The following TRIM72 variants were observed in gnomAD, a reference collection of about 807,000 sequenced individuals.
TRIM72 encodes the protein tripartite motif-containing protein 72.
A neutral mutation model predicts 31.6 loss-of-function variants in TRIM72; 33 were observed. The ratio of observed to expected loss-of-function variants is 1.04; its 90% CI spans 0.79 to 1.40. TRIM72 has a LOEUF of 1.40. Among genes scored for constraint, TRIM72 ranks in the 40% most tolerant of loss-of-function variants. The pLI is 0.00. For missense variants in TRIM72, 666 were observed against 682.7 expected (o/e 0.98, Z 0.27); for synonymous variants, 301 against 314.4 (o/e 0.96, Z 0.45).
chr16:31,224,954 A>AC lies in TRIM72; in HGVS notation c.*200dup. The AC allele has an allele frequency of 2.1e-6, 1 of 486,192 alleles. No homozygotes were observed. The highest frequency in any genetic ancestry group is 3.4e-6 in the Non-Finnish European group (1 of 294,266). 30.1% of individuals were successfully genotyped at this position (486,192 alleles called of 1,614,324 possible). A position where few individuals can be genotyped will look rare whatever the true frequency, so the allele number is the denominator to read the frequency against. On this transcript the variant is annotated 3_prime_UTR_variant, in exon 7 of 7. Coordinates refer to ENST00000322122, the MANE Select transcript of TRIM72 (RefSeq NM_001008274.4). ...GCCTGTAATCCCAGCACTTTGGGAG[A>AC]CGGAGGCGGGTGGATCACCTGAGGT... is the stretch of plus-strand genomic sequence containing the variant.
chr16:31,224,290 G>C lies in TRIM72; in HGVS notation c.969G>C (p.Glu323Asp). The C allele has an allele frequency of 4.4e-6, 7 of 1,603,706 alleles. No homozygotes were observed. The highest frequency in any genetic ancestry group is 5.9e-6 in the Non-Finnish European group (7 of 1,178,516). ...AGCAGAAGGCGCCGCCGGCCGGGGAGGACCCGCGCCAGTTCGACAAGGCGG... is the reference window on the plus strand; with the variant it reads ...AGCAGAAGGCGCCGCCGGCCGGGGACGACCCGCGCCAGTTCGACAAGGCGG... ...CSEQKAPPAG[E>D]DPRQFDKAVA... is the part of the protein sequence containing the mutation. Residue 323 changes from glutamate to aspartate, a missense_variant, in exon 7 of 7, where the codon GAG (glutamate) becomes GAC (aspartate). Coordinates refer to ENST00000322122, the MANE Select transcript of TRIM72 (RefSeq NM_001008274.4).
Position 31,225,113 on chromosome 16 carries a change from C to A in TRIM72, c.*358C>A, listed in dbSNP as rs1228696254. The A allele has an allele frequency of 5.9e-6, 1 of 168,104 alleles. No homozygotes were observed. The allele number at this position is 168,104 out of a possible 1,614,324, so 10.4% of individuals were successfully genotyped here. ...GCTGAGGCAGGATAATTGCTTGAACCCAGGAGGTGGAGGTTGCAGTGAGCA... is the reference window on the plus strand; with the variant it reads ...GCTGAGGCAGGATAATTGCTTGAACACAGGAGGTGGAGGTTGCAGTGAGCA... On this transcript the variant is annotated 3_prime_UTR_variant, in exon 7 of 7. Transcript: ENST00000322122.
Position 31,219,199 on chromosome 16 carries a change from T to G in TRIM72, c.486+9T>G. The G allele has an allele frequency of 6.2e-7, 1 of 1,613,622 alleles. No homozygotes were observed. The highest frequency in any genetic ancestry group is 8.5e-7 in the Non-Finnish European group (1 of 1,179,824). ...AGCTGGTGGAGGTGGAGGTGAGGAC[T>G]TCACAGGGCCATGTCTGAGGGCTGG... is the stretch of plus-strand genomic sequence containing the variant. On this transcript the variant is annotated intron_variant, in intron 3 of 6. Transcript: ENST00000322122. The surrounding 1 kb of genome is among the most constrained non-coding windows in gnomAD (Gnocchi z 4.2).
rs925526703 is a variant in TRIM72, at chr16:31,215,652, C to T, written c.390+524C>T. ...CACCCCTGAAGCTGCGGAACTTGGG[C>T]TGGCCTGACGGTCCCCAGGCGGGGC... On this transcript the variant is annotated intron_variant, in intron 2 of 6. Coordinates refer to ENST00000322122, the MANE Select transcript of TRIM72 (RefSeq NM_001008274.4). The surrounding 1 kb of genome is among the most constrained non-coding windows in gnomAD (Gnocchi z 6.3). Among the ~76,000 whole-genome samples, 2 of 152,238 alleles carry T rather than the reference C, an allele frequency of 1.3e-5. No homozygotes were observed. Among genetic ancestry groups the T allele is most frequent in the Admixed American group, 1.3e-4 (2 of 15,286 alleles).
In TRIM72 at chr16:31,214,263, G is replaced by C. The variant is rs1300790104; in HGVS notation, c.-42G>C. ...GCTCAACCCTGACCGGTCCTCCTTC[G>C]AGACTCTTTCAGCCTAAGATCTCCA... is the stretch of plus-strand genomic sequence containing the variant. On this transcript the variant is annotated 5_prime_UTR_variant, in exon 1 of 7. Transcript: ENST00000322122. The C allele has an allele frequency of 6.4e-6, 1 of 155,078 alleles. No homozygotes were observed. Among genetic ancestry groups the C allele is most frequent in the Non-Finnish European group, 1.4e-5 (1 of 70,168 alleles). 9.6% of individuals were successfully genotyped at this position (155,078 alleles called of 1,614,324 possible). A position where few individuals can be genotyped will look rare whatever the true frequency, so the allele number is the denominator to read the frequency against.
intron 1 of TRIM72, 93 bp from the exon 2 acceptor site, chr16:31,214,639 G>A: frequency 3.8e-6 from 5 of 1,312,050 alleles, no homozygotes; most frequent in Non-Finnish European, 4.9e-6. Flanking sequence ...CTCCCTGCGG[G>A]GCGGCGGGCC....
Position 31,214,915 on chromosome 16 carries a change from C to G in TRIM72, c.177C>G (p.Pro59=). ...GTVLCPCCQA[P]TRPQALSTNL... ...TTCTCTGCCCCTGCTGCCAGGCCCCCACGCGGCCGCAGGCACTCAGCACCA... is the reference window on the plus strand; with the variant it reads ...TTCTCTGCCCCTGCTGCCAGGCCCCGACGCGGCCGCAGGCACTCAGCACCA... The change falls in exon 2 of 7, where the codon CCC becomes CCG. Residue 59 remains proline, a synonymous_variant. Coordinates refer to ENST00000322122, the MANE Select transcript of TRIM72 (RefSeq NM_001008274.4). The G allele has an allele frequency of 6.6e-7, 1 of 1,511,606 alleles. No homozygotes were observed. Among genetic ancestry groups the G allele is most frequent in the Non-Finnish European group, 8.8e-7 (1 of 1,137,662 alleles). The allele number at this position is 1,511,606 out of a possible 1,614,324, so 93.6% of individuals were successfully genotyped here. A position where few individuals can be genotyped will look rare whatever the true frequency, so the allele number is the denominator to read the frequency against.
chr16:31,219,318 G>T lies in TRIM72; in HGVS notation c.516G>T (p.Val172=), dbSNP rs150176391. Reference sequence around the variant, plus strand: ...CAGTGCGTCAGTTCCGGGGGGCCGTGGGGGAGCAGCTGGGCAAGATGCGGG... The same window carrying T: ...CAGTGCGTCAGTTCCGGGGGGCCGTTGGGGAGCAGCTGGGCAAGATGCGGG... ...EETVRQFRGA[V]GEQLGKMRVF... Residue 172 remains valine, a synonymous_variant, in exon 4 of 7, where the codon GTG becomes GTT. Transcript: ENST00000322122. This position sits in a 1 kb window ranked among gnomAD's most constrained non-coding sequence, Gnocchi z 4.2. 29 of 1,614,156 alleles carry T rather than the reference G, an allele frequency of 1.8e-5. No homozygotes were observed. The highest frequency in any genetic ancestry group is 1.4e-4 in the South Asian group (13 of 91,088).
At position 31,219,241 on chromosome 16, in the gene TRIM72, C is replaced by T; in HGVS notation, c.487-48C>T. ...GAGGGCTGGGGGCCAGGCTAGGGGT[C>T]TCCAGCCAAGAGTCTTTATCCCTTC... On this transcript the variant is annotated intron_variant, in intron 3 of 6. Coordinates refer to ENST00000322122, the MANE Select transcript of TRIM72 (RefSeq NM_001008274.4). The surrounding 1 kb of genome is among the most constrained non-coding windows in gnomAD (Gnocchi z 4.2). 1 of 1,614,004 alleles carries T rather than the reference C, an allele frequency of 6.2e-7. No individual in the cohort carries two copies.
rs144116136 is a variant in TRIM72, at chr16:31,219,395, G to A, written c.593G>A (p.Arg198Gln). 422 of 1,613,858 alleles carry A rather than the reference G, an allele frequency of 2.6e-4. No homozygotes were observed. The highest frequency in any genetic ancestry group is 3.2e-4 in the Non-Finnish European group (381 of 1,179,952). The change falls in exon 4 of 7, where the codon CGG becomes CAG. Residue 198 changes from arginine to glutamine, a missense_variant. By Grantham distance (43) the Arg-to-Gln change is conservative. Transcript: ENST00000322122. The surrounding 1 kb of genome is among the most constrained non-coding windows in gnomAD (Gnocchi z 4.2). The part of the protein sequence containing the change: ...GSLDREAERV[R>Q]GEAGVALRRE... ...TTGGACCGCGAGGCAGAGCGTGTAC[G>A]GGGTGAGGCAGGGGTCGCCTTGCGC...
chr16:31,223,879 C>T (rs2079543967), intron 6 of TRIM72, among the ~76,000 whole-genome samples: 1 of 152,054 alleles, frequency 6.6e-6, no homozygotes, highest in Admixed American at 6.5e-5. Context: ...GCGCTCCAGC[C>T]TGGGCGACAG....
chr16:31,216,895 C>T lies in TRIM72; in HGVS notation c.390+1767C>T, dbSNP rs1395667498. 1.9e-6 allele frequency: 3 copies of T among 1,613,802 alleles called. No individual in the cohort carries two copies. The highest frequency in any genetic ancestry group is 1.7e-6 in the Non-Finnish European group (2 of 1,180,024). On this transcript the variant is annotated intron_variant, in intron 2 of 6. Transcript: ENST00000322122. The surrounding 1 kb of genome is among the most constrained non-coding windows in gnomAD (Gnocchi z 6.7). ...GGTGAGGTCCACGATATCTAGCTGC[C>T]CGAGCGCGCCCCGCGGGATGCGCTC...
At position 31,216,858 on chromosome 16, in the gene TRIM72, G is replaced by T. The variant is rs1015149556; in HGVS notation, c.390+1730G>T. On this transcript the variant is annotated intron_variant, in intron 2 of 6. Transcript: ENST00000322122. This position sits in a 1 kb window ranked among gnomAD's most constrained non-coding sequence, Gnocchi z 6.7. ...CTGCGTAGTCCTCGTAGTAGGAGGC[G>T]ACCAGCTTGTCGGTGAGGTCCACGA... The T allele has an allele frequency of 1.9e-6, 3 of 1,613,838 alleles. No individual in the cohort carries two copies. Among genetic ancestry groups the T allele is most frequent in the Non-Finnish European group, 2.5e-6 (3 of 1,179,958 alleles).
intron 2 of TRIM72, chr16:31,217,004 G>A: frequency 6.2e-7 from 1 of 1,613,676 alleles, no homozygotes; most frequent in Non-Finnish European, 8.5e-7. Flanking sequence ...AGCACCTTCA[G>A]GATGGCCTCG....
At position 31,224,665 on chromosome 16, in the gene TRIM72, C is replaced by G. The variant is rs764547942; in HGVS notation, c.1344C>G (p.Pro448=). The G allele has an allele frequency of 1.3e-6, 2 of 1,549,086 alleles. No homozygotes were observed. The highest frequency in any genetic ancestry group is 1.2e-5 in the South Asian group (1 of 85,134). The change falls in exon 7 of 7, where the codon CCC becomes CCG. Residue 448 remains proline (P), a synonymous_variant. Transcript: ENST00000322122. The stretch of plus-strand genomic sequence containing the variant: ...CCTTCCACGAGCGCCTGCCCAGGCC[C>G]GTGTACCCCTTCTTCGACGTGTGCT... ...LFAFHERLPR[P]VYPFFDVCWH...
At chr16:31,217,065 G>T (rs767279385) in intron 2 of TRIM72, 3 of 1,591,458 alleles carry the variant, frequency 1.9e-6, no homozygotes, top group Admixed American at 3.4e-5. Context: ...CGAGGGCCTG[G>T]AGCCATCAGG....
chr16:31,220,871 C>A, intron 4 of TRIM72, 25 bp from the exon 5 acceptor site: 1 of 1,614,194 alleles, frequency 6.2e-7, no homozygotes, highest in Non-Finnish European at 8.5e-7. Context: ...GGCTTCACCA[C>A]CATTCTCTTT....
Position 31,225,440 on chromosome 16 carries a change from TCA to T in TRIM72, c.*689_*690del, listed in dbSNP as rs2079552203. 1 of 151,888 alleles carries T rather than the reference TCA, an allele frequency of 6.6e-6. No individual in the cohort carries two copies. Among genetic ancestry groups the T allele is most frequent in the Non-Finnish European group, 1.5e-5 (1 of 68,022 alleles). The allele number at this position is 151,888 out of a possible 1,614,324, so 9.4% of individuals were successfully genotyped here. A position where few individuals can be genotyped will look rare whatever the true frequency, so the allele number is the denominator to read the frequency against. On this transcript the variant is annotated 3_prime_UTR_variant, in exon 7 of 7. Coordinates refer to ENST00000322122, the MANE Select transcript of TRIM72 (RefSeq NM_001008274.4). ...CTGTAGATAAGGGGCTCCTTTTGCC[TCA>T]CACTCCCCTCCTCCTTAGGCCTTGG...
chr16:31,219,313 G>C lies in TRIM72; in HGVS notation c.511G>C (p.Ala171Pro). 6.2e-7 allele frequency: 1 copy of C among 1,614,180 alleles called. No homozygotes were observed. Among genetic ancestry groups the C allele is most frequent in the Non-Finnish European group, 8.5e-7 (1 of 1,180,028 alleles). The change falls in exon 4 of 7, where the codon GCC (alanine) becomes CCC (proline). Residue 171 changes from alanine (A) to proline (P), a missense_variant. Ala to Pro is a conservative substitution (Grantham distance 27, BLOSUM62 -1). Coordinates refer to ENST00000322122, the MANE Select transcript of TRIM72 (RefSeq NM_001008274.4). This position sits in a 1 kb window ranked among gnomAD's most constrained non-coding sequence, Gnocchi z 4.2. Reference protein sequence around the residue: ...VEETVRQFRGAVGEQLGKMRV... With the variant: ...VEETVRQFRGPVGEQLGKMRV... Reference sequence around the variant, plus strand: ...GGAGACAGTGCGTCAGTTCCGGGGGGCCGTGGGGGAGCAGCTGGGCAAGAT... The same window carrying C: ...GGAGACAGTGCGTCAGTTCCGGGGGCCCGTGGGGGAGCAGCTGGGCAAGAT...
Sources: gnomAD v4.1 joint callset for allele counts (sites outside exome capture counted in the v4.1 genomes callset) on GRCh38, gnomAD v4.1.1 for gene constraint, Gnocchi (gnomAD v3.1) non-coding constraint, MANE v1.5 for transcripts, NCBI Gene and HGNC (gene_info 2026-07-23, HGNC 2026-07-21) for gene names.